MYO3A: variants seen among roughly 807,000 people sequenced by gnomAD.
MYO3A encodes myosin IIIA, also known as myosin-IIIa.
A neutral mutation model predicts 192.7 loss-of-function variants in MYO3A; 180 were observed. The observed-to-expected ratio is 0.93, with a 90% CI of 0.83 to 1.06. MYO3A has a LOEUF of 1.06. MYO3A is among the 50% of genes least tolerant of loss of function. MYO3A has a pLI of 0.00. For synonymous variants in MYO3A, 628 were observed against 645.3 expected, an observed-to-expected ratio of 0.97 and a Z score of 0.41; for missense variants, 1,896 against 1,905.0, an observed-to-expected ratio of 1.00 and a Z score of 0.09.
chr10:26,206,910 T>G (rs745975228), intron 34 of MYO3A, among the ~76,000 whole-genome samples: 1 of 152,220 alleles, frequency 6.6e-6, no homozygotes, highest in Non-Finnish European at 1.5e-5. Flanking sequence ...AGGTGTGAGA[T>G]CTCATTGTGT....
intron 1 of MYO3A, among the ~76,000 whole-genome samples, chr10:25,934,731 G>A (rs904729109): frequency 6.7e-6 from 1 of 150,372 alleles, no homozygotes; most frequent in Non-Finnish European, 1.5e-5. Context: ...AAGATCTTGT[G>A]GGTGAACCCG....
rs552410407 is a variant in MYO3A, at chr10:25,947,332, G to A, written c.-17-4762G>A. Among the ~76,000 whole-genome samples, 8 of 144,212 alleles carry A rather than the reference G, an allele frequency of 5.5e-5. No homozygotes were observed. The South Asian group carries it at 1.1e-3, about 20-fold the overall frequency. The allele number at this position is 144,212 out of a possible 152,430, so 94.6% of individuals were successfully genotyped here. On this transcript the variant is annotated intron_variant, in intron 2 of 34. Transcript: ENST00000642920. ...TATTATAGATACTTTCACATGTTCCGTCTATCTCTATTCTCTGAAAAAAAA... is the reference window on the plus strand; with the variant it reads ...TATTATAGATACTTTCACATGTTCCATCTATCTCTATTCTCTGAAAAAAAA...
At chr10:26,131,272 A>G (rs1279607240) in intron 20 of MYO3A, among the ~76,000 whole-genome samples, 1 of 152,256 alleles carries the variant, frequency 6.6e-6, no homozygotes, top group African/African-American at 2.4e-5. Context: ...AAAGCTGTTT[A>G]CAATGGTATT....
chr10:25,936,668 T>C (rs1477743801), intron 2 of MYO3A, among the ~76,000 whole-genome samples: 5 of 151,970 alleles, frequency 3.3e-5, no homozygotes, highest in African/African-American at 1.2e-4. Flanking sequence ...GAACCTCAAG[T>C]TGGGAAGCAT....
In MYO3A at chr10:26,166,088, G is replaced by T. The variant is rs1358583401; in HGVS notation, c.3021G>T (p.Lys1007Asn). 6.2e-7 allele frequency: 1 copy of T among 1,613,998 alleles called. No homozygotes were observed. The highest frequency in any genetic ancestry group is 1.7e-5 in the Admixed American group (1 of 59,994). ...FIKRYYLLCY[K>N]SSEEPRMSPD... ...CAAGGTACTACCTTCTCTGCTACAA[G>T]TCGAGCGAGGAGCCCCGCATGAGCC... Residue 1007 changes from lysine to asparagine, a missense_variant, in exon 27 of 35, where the codon AAG (lysine) becomes AAT (asparagine). By Grantham distance (94) the Lys-to-Asn change is moderately conservative (BLOSUM62 0). Coordinates refer to ENST00000642920, the MANE Select transcript of MYO3A (RefSeq NM_017433.5).
chr10:25,979,902 C>T (rs183605059), intron 4 of MYO3A, among the ~76,000 whole-genome samples: 4 of 152,080 alleles, frequency 2.6e-5, no homozygotes, highest in South Asian at 2.1e-4. Context: ...GTGAAGTGTC[C>T]GCTGGTTATA....
intron 10 of MYO3A, among the ~76,000 whole-genome samples, chr10:26,065,394 G>GC: frequency 6.6e-6 from 1 of 151,980 alleles, no homozygotes; most frequent in East Asian, 1.9e-4. Flanking sequence ...GACCAGCCTG[G>GC]CCCACATGGT....
intron 17 of MYO3A, among the ~76,000 whole-genome samples, chr10:26,110,843 GA>G (rs1055357292): frequency 5.7e-4 from 86 of 151,358 alleles, no homozygotes; most frequent in African/African-American, 2.0e-3. Context: ...TATATTTCTG[GA>G]AAATCGTTTT....
At chr10:25,934,523 T>C (rs1439664681) in intron 1 of MYO3A, among the ~76,000 whole-genome samples, 195 bp downstream of exon 1, 1 of 149,636 alleles carries the variant, frequency 6.7e-6, no homozygotes, top group African/African-American at 2.5e-5. Flanking sequence ...TGTCGGGGCC[T>C]GGGGTGAGAG....
At chr10:26,197,842 A>C (rs926823808) in intron 32 of MYO3A, among the ~76,000 whole-genome samples, 7 of 152,238 alleles carry the variant, frequency 4.6e-5, no homozygotes, top group African/African-American at 1.4e-4. Context: ...CTGGAATTAC[A>C]GGCGTGAGCC....
rs145017576 is a variant in MYO3A, at chr10:25,943,237, A to G, written c.-18+7407A>G. Among the ~76,000 whole-genome samples, 69 of 151,984 alleles carry G rather than the reference A, an allele frequency of 4.5e-4. 1 individual carries two copies. In the East Asian group the frequency reaches 8.5e-3, roughly 19 times the overall value. On this transcript the variant is annotated intron_variant, in intron 2 of 34. Coordinates refer to ENST00000642920, the MANE Select transcript of MYO3A (RefSeq NM_017433.5). The stretch of plus-strand genomic sequence containing the variant: ...AATCATTTGACTATATTTCTGGGCT[A>G]TTTCACTCTATTTGTCTATGTGTAC...
intron 31 of MYO3A, among the ~76,000 whole-genome samples, chr10:26,192,405 G>A (rs1436958149): frequency 6.6e-6 from 1 of 152,146 alleles, no homozygotes; most frequent in Admixed American, 6.5e-5. Context: ...TAACATATGA[G>A]GCAGTACTTA....
At position 26,159,241 on chromosome 10, in the gene MYO3A, T is replaced by C. The variant is rs959708890; in HGVS notation, c.2999+1726T>C. ...TCCTGACCTCGTGATCCGCCCACCTTGGCCTCCCAAAGTGCTGGAATTCCA... is the reference window on the plus strand; with the variant it reads ...TCCTGACCTCGTGATCCGCCCACCTCGGCCTCCCAAAGTGCTGGAATTCCA... On this transcript the variant is annotated intron_variant, in intron 26 of 34. Coordinates refer to ENST00000642920, the MANE Select transcript of MYO3A (RefSeq NM_017433.5). Among the ~76,000 whole-genome samples, 13 of 149,816 alleles carry C rather than the reference T, an allele frequency of 8.7e-5. No homozygotes were observed. The South Asian group carries it at 2.4e-3, about 27-fold the overall frequency.
intron 10 of MYO3A, among the ~76,000 whole-genome samples, chr10:26,033,460 C>T (rs1842892659): frequency 6.6e-6 from 1 of 152,184 alleles, no homozygotes; most frequent in South Asian, 2.1e-4. Context: ...CTATTCCTCT[C>T]TCCTACTTTT....
At chr10:26,168,689 T>C (rs757885598) in intron 27 of MYO3A, 23 bp from the exon 28 acceptor site, 2 of 1,605,448 alleles carry the variant, frequency 1.2e-6, no homozygotes, top group East Asian at 2.2e-5. Flanking sequence ...CATGGTTCTT[T>C]GTATTATATT....
intron 4 of MYO3A, among the ~76,000 whole-genome samples, chr10:25,985,258 A>G (rs1839582155): frequency 6.8e-6 from 1 of 147,200 alleles, no homozygotes; most frequent in Non-Finnish European, 1.5e-5. Flanking sequence ...AAAAAAAAAA[A>G]TTCTGAAAGA....
At chr10:26,141,113 G>A (rs938271170) in intron 20 of MYO3A, among the ~76,000 whole-genome samples, 1 of 152,100 alleles carries the variant, frequency 6.6e-6, no homozygotes, top group African/African-American at 2.4e-5. Context: ...ATTTTTAGTA[G>A]AGATGGGGTT....
At chr10:26,148,596 A>G (rs754133852) in intron 23 of MYO3A, among the ~76,000 whole-genome samples, 2 of 152,234 alleles carry the variant, frequency 1.3e-5, no homozygotes, top group Non-Finnish European at 2.9e-5. Flanking sequence ...GAGAATTGGT[A>G]TCTTCCCAAC....
chr10:26,208,268 A>C (rs538643473), intron 34 of MYO3A, among the ~76,000 whole-genome samples: 1 of 152,314 alleles, frequency 6.6e-6, no homozygotes, highest in Non-Finnish European at 1.5e-5. Context: ...AATTATGGCA[A>C]GATGATCAAT....
Sources: gnomAD v4.1 joint callset for allele counts (sites outside exome capture counted in the v4.1 genomes callset) on GRCh38, gnomAD v4.1.1 for gene constraint, MANE v1.5 for transcripts, NCBI Gene and HGNC (gene_info 2026-07-23, HGNC 2026-07-21) for gene names.